Variants in STK32B observed in about 807,000 individuals in gnomAD.
The protein encoded by STK32B is serine/threonine kinase 32B, also known as serine/threonine-protein kinase 32B.
A neutral mutation model predicts 52.6 loss-of-function variants in STK32B; 43 were observed. That is an observed-to-expected ratio of 0.82 (90% confidence interval 0.64 to 1.05). The LOEUF is 1.05. Among genes scored for constraint, STK32B ranks in the 50% least tolerant of loss-of-function variants. The pLI is 0.00. For missense variants in STK32B, 621 were observed against 534.6 expected (o/e 1.16, Z -1.59); for synonymous variants, 238 against 204.3 (o/e 1.17, Z -1.41).
intron 1 of STK32B, among the ~76,000 whole-genome samples, chr4:5,133,054 T>C (rs1362098003): frequency 6.6e-6 from 1 of 152,200 alleles, no homozygotes; most frequent in Non-Finnish European, 1.5e-5. Flanking sequence ...TGCCTCAGCC[T>C]CCCACAGTGC....
intron 1 of STK32B, among the ~76,000 whole-genome samples, chr4:5,067,893 C>T (rs1224446714): frequency 1.3e-5 from 2 of 152,060 alleles, no homozygotes; most frequent in Non-Finnish European, 2.9e-5. Context: ...GGAGGTGCCA[C>T]ACATTTTTAA....
intron 6 of STK32B, among the ~76,000 whole-genome samples, chr4:5,432,680 G>A (rs1713694487): frequency 6.6e-6 from 1 of 152,168 alleles, no homozygotes; most frequent in Non-Finnish European, 1.5e-5. Context: ...GGCCAAATAT[G>A]ATGGTGCCTG....
At chr4:5,216,083 T>C (rs1470383692) in intron 3 of STK32B, among the ~76,000 whole-genome samples, 1 of 152,202 alleles carries the variant, frequency 6.6e-6, no homozygotes, top group Non-Finnish European at 1.5e-5. Flanking sequence ...CTTGATATTC[T>C]AGACTAGTGG....
chr4:5,388,195 C>T (rs561465197), intron 4 of STK32B, among the ~76,000 whole-genome samples: 1 of 152,318 alleles, frequency 6.6e-6, no homozygotes, highest in East Asian at 1.9e-4. Flanking sequence ...GCTTTGTGAA[C>T]TGCAAAACTG....
intron 2 of STK32B, among the ~76,000 whole-genome samples, chr4:5,153,318 T>A (rs1717526884): frequency 6.6e-6 from 1 of 152,176 alleles, no homozygotes; most frequent in African/African-American, 2.4e-5. Context: ...GGACCAATCA[T>A]GTGGCTCCTG....
At chr4:5,146,007 C>G (rs925002507) in intron 2 of STK32B, among the ~76,000 whole-genome samples, 1 of 148,106 alleles carries the variant, frequency 6.8e-6, no homozygotes, top group African/African-American at 2.5e-5. Flanking sequence ...TTCTATACTT[C>G]ATTTTGATTT....
chr4:5,340,531 G>A (rs1279286990), intron 4 of STK32B, among the ~76,000 whole-genome samples: 1 of 152,136 alleles, frequency 6.6e-6, no homozygotes, highest in Non-Finnish European at 1.5e-5. Flanking sequence ...TTTATTGATG[G>A]GTTAAAGCTT....
intron 3 of STK32B, among the ~76,000 whole-genome samples, chr4:5,189,236 A>G (rs947314299): frequency 6.6e-6 from 1 of 152,154 alleles, no homozygotes; most frequent in African/African-American, 2.4e-5. Context: ...ACAAATGTAT[A>G]ATGATGTGTA....
At chr4:5,302,064 T>G (rs984114453) in intron 3 of STK32B, among the ~76,000 whole-genome samples, 1 of 151,916 alleles carries the variant, frequency 6.6e-6, no homozygotes, top group South Asian at 2.1e-4. Flanking sequence ...TTTAATTACT[T>G]TGTTCTTTCT....
intron 11 of STK32B, among the ~76,000 whole-genome samples, chr4:5,494,200 T>A (rs376520802): frequency 6.6e-6 from 1 of 152,200 alleles, no homozygotes; most frequent in Admixed American, 6.5e-5. Flanking sequence ...CCCATTATTA[T>A]TGTGTTGGAG....
intron 11 of STK32B, among the ~76,000 whole-genome samples, chr4:5,479,233 C>CTTTAG (rs1293165646): frequency 3.3e-5 from 5 of 151,490 alleles, no homozygotes; most frequent in Non-Finnish European, 5.9e-5. Context: ...AATTCTCCTG[C>CTTTAG]CTTAGCCTCC....
At chr4:5,141,370 C>T (rs896149309) in intron 2 of STK32B, among the ~76,000 whole-genome samples, 6 of 152,288 alleles carry the variant, frequency 3.9e-5, no homozygotes, top group South Asian at 2.1e-4. Flanking sequence ...GCAAATCCCA[C>T]GGAAGGGAGT....
At chr4:5,243,969 G>C (rs1577236079) in intron 3 of STK32B, among the ~76,000 whole-genome samples, 1 of 152,096 alleles carries the variant, frequency 6.6e-6, no homozygotes, top group Non-Finnish European at 1.5e-5. Context: ...TGTGCTGCTG[G>C]ATTCAGTTTG....
intron 3 of STK32B, among the ~76,000 whole-genome samples, chr4:5,244,231 CTAT>C (rs1366329388): frequency 6.6e-6 from 1 of 151,616 alleles, no homozygotes; most frequent in Non-Finnish European, 1.5e-5. Context: ...GGTTGGTAAG[CTAT>C]TATTGCCACA....
chr4:5,445,216 A>G (rs1167136554), intron 6 of STK32B, among the ~76,000 whole-genome samples: 1 of 152,198 alleles, frequency 6.6e-6, no homozygotes, highest in African/African-American at 2.4e-5. Context: ...GCCAGGGGGC[A>G]GCTAGAATGT....
chr4:5,340,390 G>A (rs565793477), intron 4 of STK32B, among the ~76,000 whole-genome samples: 1 of 152,350 alleles, frequency 6.6e-6, no homozygotes, highest in Admixed American at 6.5e-5. Context: ...TTAGGAATTA[G>A]AACTAGGAAA....
At chr4:5,128,867 A>T (rs1184341309) in intron 1 of STK32B, among the ~76,000 whole-genome samples, 1 of 152,236 alleles carries the variant, frequency 6.6e-6, no homozygotes, top group Non-Finnish European at 1.5e-5. Context: ...AATCAGAGCC[A>T]TGAATGTTAG....
chr4:5,020,428 G>A, the STK32B span, among the ~76,000 whole-genome samples: 1 of 152,206 alleles, frequency 6.6e-6, no homozygotes, highest in Non-Finnish European at 1.5e-5. Flanking sequence ...CAGGCCCATT[G>A]TGTGTTTCCA....
chr4:5,247,569 C>A (rs574292770), intron 3 of STK32B, among the ~76,000 whole-genome samples: 4 of 152,154 alleles, frequency 2.6e-5, no homozygotes, highest in Admixed American at 6.6e-5. Flanking sequence ...TGGTGTACTG[C>A]ACCCACTGTC....
Sources: gnomAD v4.1 joint callset for allele counts (sites outside exome capture counted in the v4.1 genomes callset) on GRCh38, gnomAD v4.1.1 for gene constraint, MANE v1.5 for transcripts, NCBI Gene and HGNC (gene_info 2026-07-23, HGNC 2026-07-21) for gene names.